The following LIPM variants were observed in gnomAD, a reference collection of about 807,000 sequenced individuals.
The protein encoded by LIPM is lipase family member M.
Under a neutral mutation model 42.4 loss-of-function variants are expected in LIPM, and 42 were observed. The ratio of observed to expected loss-of-function variants is 0.99; its 90% CI spans 0.77 to 1.28. The LOEUF is 1.28. Ranked by LOEUF, LIPM falls within the 50% of genes most tolerant of loss-of-function variation. The pLI, the probability that LIPM is intolerant of heterozygous loss-of-function variation, is 0.00. For synonymous variants in LIPM, 177 were observed against 173.3 expected, an observed-to-expected ratio of 1.02 and a Z score of -0.17; for missense variants, 524 against 520.1, an observed-to-expected ratio of 1.01 and a Z score of -0.07.
chr10:88,814,527 T>C lies in LIPM; in HGVS notation c.465-3T>C, dbSNP rs1843694188. On this transcript the variant is annotated splice_polypyrimidine_tract_variant and splice_region_variant and intron_variant, in intron 3 of 8. Coordinates refer to ENST00000404743, the MANE Select transcript of LIPM (RefSeq NM_001128215.1). Reference sequence around the variant, plus strand: ...CATATAACTTTGTCTTTTCCCCTTGTAGTTATGATGAGATGGCTAGGTTTG... The same window carrying C: ...CATATAACTTTGTCTTTTCCCCTTGCAGTTATGATGAGATGGCTAGGTTTG... 1 of 1,538,102 alleles carries C rather than the reference T, an allele frequency of 6.5e-7. No homozygotes were observed.
intron 3 of LIPM, 65 bp from the exon 4 acceptor site, chr10:88,814,465 C>G (rs303524): frequency 0.75 from 811,987 of 1,083,818 alleles, 307,620 homozygotes; most frequent in East Asian, 0.99. Context: ...AACCTGGTGT[C>G]GGGGGGAGCT....
At position 88,820,321 on chromosome 10, in the gene LIPM, C is replaced by A. The variant is rs561105193; in HGVS notation, c.1092C>A (p.Asp364Glu). 5.2e-6 allele frequency: 8 copies of A among 1,552,132 alleles called. No homozygotes were observed. The highest frequency in any genetic ancestry group is 5.2e-6 in the Non-Finnish European group (6 of 1,147,052). Residue 364 changes from aspartate to glutamate, a missense_variant, in exon 9 of 9, where the codon GAC (aspartate) becomes GAA (glutamate). Asp to Glu is a conservative substitution (Grantham distance 45). Coordinates refer to ENST00000404743, the MANE Select transcript of LIPM (RefSeq NM_001128215.1). Reference sequence around the variant, plus strand: ...AGGACTGGCTTTCAAATCCAGAAGACGTGAAAATGCTGCTCTCTGAGGTGA... The same window carrying A: ...AGGACTGGCTTTCAAATCCAGAAGAAGTGAAAATGCTGCTCTCTGAGGTGA... ...GGQDWLSNPE[D>E]VKMLLSEVTN...
intron 1 of LIPM, among the ~76,000 whole-genome samples, chr10:88,804,944 T>C (rs932257269): frequency 6.6e-6 from 1 of 152,224 alleles, no homozygotes; most frequent in African/African-American, 2.4e-5. Context: ...TTGAATTCTT[T>C]CCTGGGCAAA....
intron 6 of LIPM, among the ~76,000 whole-genome samples, chr10:88,816,346 T>C (rs1843718208): frequency 6.6e-6 from 1 of 152,214 alleles, no homozygotes; most frequent in Non-Finnish European, 1.5e-5. Flanking sequence ...AGATTAATAA[T>C]TTGATTTATA....
intron 1 of LIPM, 137 bp downstream of exon 1, chr10:88,803,180 C>A: frequency 1.0e-6 from 1 of 984,962 alleles, no homozygotes; most frequent in Non-Finnish European, 1.5e-6. Flanking sequence ...GCAAATTGTA[C>A]TGGAAAGAAT....
In LIPM at chr10:88,815,009, T is replaced by C. The variant is rs1843700802; in HGVS notation, c.575-79T>C. 8.6e-6 allele frequency: 11 copies of C among 1,280,662 alleles called. No homozygotes were observed. In the Admixed American group the frequency reaches 1.1e-4, roughly 12 times the overall value. 79.3% of individuals were successfully genotyped at this position (1,280,662 alleles called of 1,614,324 possible). On this transcript the variant is annotated intron_variant, in intron 4 of 8. Coordinates refer to ENST00000404743, the MANE Select transcript of LIPM (RefSeq NM_001128215.1). The stretch of plus-strand genomic sequence containing the variant: ...AGTCACATATATACTTATTGAAATA[T>C]GTATTTAAAAGCAAAATATACATTT...
rs756748770 is a variant in LIPM, at chr10:88,814,352, C to T, written c.465-178C>T. Among the ~76,000 whole-genome samples the T allele has an allele frequency of 5.3e-5, 8 of 152,132 alleles. 1 individual carries two copies. Among genetic ancestry groups the T allele is most frequent in the South Asian group, 4.1e-4 (2 of 4,832 alleles). The stretch of plus-strand genomic sequence containing the variant: ...GCAGTTTGCTGACAGCCTGTGACTC[C>T]AGAGGCACCCATGCTTCATAGGTTT... On this transcript the variant is annotated intron_variant, in intron 3 of 8. Transcript: ENST00000404743.
In LIPM at chr10:88,820,333, G is replaced by T; in HGVS notation, c.1104G>T (p.Leu368=). ...WLSNPEDVKM[L]LSEVTNLIYH... ...CAAATCCAGAAGACGTGAAAATGCT[G>T]CTCTCTGAGGTGACCAACCTCATCT... The change falls in exon 9 of 9, where the codon CTG becomes CTT. Residue 368 remains leucine (L), a synonymous_variant. Coordinates refer to ENST00000404743, the MANE Select transcript of LIPM (RefSeq NM_001128215.1). 1 of 1,552,292 alleles carries T rather than the reference G, an allele frequency of 6.4e-7. No homozygotes were observed. Among genetic ancestry groups the T allele is most frequent in the Non-Finnish European group, 8.7e-7 (1 of 1,147,122 alleles).
intron 2 of LIPM, among the ~76,000 whole-genome samples, chr10:88,809,361 T>C (rs1386270754): frequency 6.6e-6 from 1 of 152,212 alleles, no homozygotes; most frequent in Non-Finnish European, 1.5e-5. Context: ...TTTGTTTTCA[T>C]TACTAAAATA....
At chr10:88,816,270 G>C (rs1478561299) in intron 6 of LIPM, among the ~76,000 whole-genome samples, 1 of 152,120 alleles carries the variant, frequency 6.6e-6, no homozygotes, top group African/African-American at 2.4e-5. Context: ...AGGGCTGTTT[G>C]CCAGCAGCAC....
chr10:88,814,367 T>C (rs1244961271), intron 3 of LIPM, among the ~76,000 whole-genome samples, 163 bp from the exon 4 acceptor site: 1 of 152,166 alleles, frequency 6.6e-6, no homozygotes, highest in Non-Finnish European at 1.5e-5. Flanking sequence ...GCACCCATGC[T>C]TCATAGGTTT....
chr10:88,816,749 G>A lies in LIPM; in HGVS notation c.859-67G>A, dbSNP rs181888765. ...TCTTAGTCTGACACCCTGGAGATTT[G>A]GTCTTGACAGGGTATACATCTTGTG... On this transcript the variant is annotated intron_variant, in intron 6 of 8. Coordinates refer to ENST00000404743, the MANE Select transcript of LIPM (RefSeq NM_001128215.1). 2.1e-4 allele frequency: 207 copies of A among 980,548 alleles called. 2 individuals carry two copies. The East Asian group carries it at 4.6e-3, about 22-fold the overall frequency. The allele number at this position is 980,548 out of a possible 1,614,324, so 60.7% of individuals were successfully genotyped here. A position where few individuals can be genotyped will look rare whatever the true frequency, so the allele number is the denominator to read the frequency against.
chr10:88,808,324 T>A lies in LIPM; in HGVS notation c.174T>A (p.Tyr58Ter). The stretch of plus-strand genomic sequence containing the variant: ...GTGAAATCATCCAACATCAAGGCTA[T>A]CCCTGTGAGGAATATGAAGTCGCAA... The part of the protein sequence containing the change: ...NISEIIQHQG[Y>*]PCEEYEVATE... Residue 58 changes from tyrosine to a stop codon, truncating the protein, a stop_gained, in exon 2 of 9, where the codon TAT becomes TAA. Transcript: ENST00000404743. LOFTEE classifies it high-confidence loss of function. The A allele has an allele frequency of 1.3e-6, 2 of 1,550,790 alleles. No individual in the cohort carries two copies. Among genetic ancestry groups the A allele is most frequent in the Non-Finnish European group, 1.7e-6 (2 of 1,146,152 alleles).
chr10:88,820,147 T>C (rs1263489543), intron 8 of LIPM, 85 bp from the exon 9 acceptor site: 3 of 1,117,560 alleles, frequency 2.7e-6, no homozygotes, highest in South Asian at 1.6e-5. Flanking sequence ...ACAGATGGCA[T>C]GTTTATTATG....
intron 2 of LIPM, among the ~76,000 whole-genome samples, 189 bp downstream of exon 2, chr10:88,808,604 T>C (rs1189833189): frequency 6.6e-6 from 1 of 152,164 alleles, no homozygotes; most frequent in Non-Finnish European, 1.5e-5. Flanking sequence ...TGCCACCAAT[T>C]ATCTCAATTA....
intron 1 of LIPM, among the ~76,000 whole-genome samples, chr10:88,805,146 G>T (rs1843571096): frequency 6.6e-6 from 1 of 152,168 alleles, no homozygotes; most frequent in African/African-American, 2.4e-5. Flanking sequence ...TATGTACTAA[G>T]GTTAGACAGA....
rs111798790 is a variant in LIPM at position 88,816,241 on chromosome 10, C to G, written c.859-575C>G. ...ATCTGCCTACAATTGGTGCAATCCT[C>G]AAAGCAGACTGAGAGTGGAGGGCTG... On this transcript the variant is annotated intron_variant, in intron 6 of 8. Coordinates refer to ENST00000404743, the MANE Select transcript of LIPM (RefSeq NM_001128215.1). Among the ~76,000 whole-genome samples the G allele has an allele frequency of 1.1e-4, 16 of 152,292 alleles. No homozygotes were observed. In the East Asian group the frequency reaches 3.1e-3, roughly 29 times the overall value.
rs190777231 is a variant in LIPM, at chr10:88,813,523, G to A, written c.464+228G>A. On this transcript the variant is annotated intron_variant, in intron 3 of 8. Coordinates refer to ENST00000404743, the MANE Select transcript of LIPM (RefSeq NM_001128215.1). ...GTCTAGCTAATAGGGTGAGAATGGTGGTTGGTGTCAGGTGACTAAGATTGG... is the reference window on the plus strand; with the variant it reads ...GTCTAGCTAATAGGGTGAGAATGGTAGTTGGTGTCAGGTGACTAAGATTGG... Among the ~76,000 whole-genome samples the A allele has an allele frequency of 2.2e-3, 336 of 152,106 alleles. 1 individual carries two copies. Among genetic ancestry groups the A allele is most frequent in the Non-Finnish European group, 3.6e-3 (248 of 67,990 alleles).
intron 2 of LIPM, among the ~76,000 whole-genome samples, chr10:88,810,461 A>C (rs1354822276): frequency 6.6e-6 from 1 of 151,666 alleles, no homozygotes; most frequent in Non-Finnish European, 1.5e-5. Flanking sequence ...ACTTCCCTCT[A>C]GTGGCCAATG....
Sources: allele counts gnomAD v4.1 joint callset (sites outside exome capture counted in the v4.1 genomes callset), GRCh38; gene constraint gnomAD v4.1.1; transcripts MANE v1.5; gene names NCBI Gene and HGNC (gene_info 2026-07-23, HGNC 2026-07-21).